Variants in ENPP5 observed in about 807,000 individuals in gnomAD.
ENPP5 encodes E-NPP 5.
In ENPP5, 27 loss-of-function variants were observed where a neutral mutation model predicts 33.7. The ratio of observed to expected loss-of-function variants is 0.80; its 90% CI spans 0.59 to 1.11. ENPP5 has a LOEUF of 1.11. Among genes scored for constraint, ENPP5 ranks in the 50% least tolerant of loss-of-function variants. ENPP5 has a pLI of 0.00. For synonymous variants in ENPP5, 199 were observed against 200.5 expected (o/e 0.99, Z 0.06); for missense variants, 552 against 579.2 (o/e 0.95, Z 0.48).
chr6:46,168,245 G>C lies in ENPP5; in HGVS notation c.18C>G (p.Leu6=). The change falls in exon 3 of 5, where the codon CTC becomes CTG. Residue 6 remains leucine (L), a synonymous_variant. Transcript: ENST00000371383. Reference sequence around the variant, plus strand: ...GTGCAGCAAGTATGAAGGACACCAAGAGAAATTTCGAAGTCATTTTCAAAG... The same window carrying C: ...GTGCAGCAAGTATGAAGGACACCAACAGAAATTTCGAAGTCATTTTCAAAG... MTSKF[L]LVSFILAALS... is the part of the protein sequence containing the mutation. The C allele has an allele frequency of 2.5e-6, 4 of 1,587,202 alleles. No individual in the cohort carries two copies. The highest frequency in any genetic ancestry group is 3.4e-6 in the Non-Finnish European group (4 of 1,164,142).
intron 4 of ENPP5, among the ~76,000 whole-genome samples, chr6:46,162,957 AG>A (rs1764432315): frequency 6.6e-6 from 1 of 152,234 alleles, no homozygotes; most frequent in Non-Finnish European, 1.5e-5. Flanking sequence ...TCACTCATGA[AG>A]GCAAAGATAA....
intron 4 of ENPP5, chr6:46,165,108 A>T (rs1363044503): frequency 3.7e-6 from 1 of 268,224 alleles, no homozygotes; most frequent in Non-Finnish European, 7.0e-6. Flanking sequence ...CGAGCACACT[A>T]CAAATGCCAT....
intron 4 of ENPP5, chr6:46,165,186 T>C: frequency 4.4e-6 from 2 of 451,160 alleles, no homozygotes; most frequent in East Asian, 3.6e-5. Context: ...TAAAGGGACA[T>C]TTTGTATATA....
rs771070665 is a variant in ENPP5 at position 46,168,249 on chromosome 6, A to C, written c.14T>G (p.Phe5Cys). 1.3e-6 allele frequency: 2 copies of C among 1,576,428 alleles called. No homozygotes were observed. The highest frequency in any genetic ancestry group is 1.7e-6 in the Non-Finnish European group (2 of 1,158,602). Residue 5 changes from phenylalanine (F) to cysteine (C), a missense_variant, in exon 3 of 5, where the codon TTT becomes TGT. Phe to Cys is a radical substitution (Grantham distance 205). Transcript: ENST00000371383. ...AGCAAGTATGAAGGACACCAAGAGA[A>C]ATTTCGAAGTCATTTTCAAAGTACT... MTSK[F>C]LLVSFILAAL...
Position 46,165,426 on chromosome 6 carries a change from C to T in ENPP5, c.967G>A (p.Gly323Arg), listed in dbSNP as rs1764512991. The T allele has an allele frequency of 6.3e-7, 1 of 1,599,018 alleles. No individual in the cohort carries two copies. Among genetic ancestry groups the T allele is most frequent in the Non-Finnish European group, 8.5e-7 (1 of 1,176,098 alleles). Residue 323 changes from glycine (G) to arginine (R), a missense_variant, in exon 4 of 5, where the codon GGG (glycine) becomes AGG (arginine). Coordinates refer to ENST00000371383, the MANE Select transcript of ENPP5 (RefSeq NM_001290072.2). ...GACTTATTCTGTAAAATGTGCCACC[C>T]TTCATCAGCCACTGCTATGATTGGT... ...IQPIIAVADE[G>R]WHILQNKSDD...
In ENPP5 at chr6:46,161,021, A is replaced by T. The variant is rs1174512955; in HGVS notation, c.*305T>A. 6.4e-6 allele frequency: 2 copies of T among 313,598 alleles called. No homozygotes were observed. Among genetic ancestry groups the T allele is most frequent in the Admixed American group, 8.8e-5 (2 of 22,804 alleles). The allele number at this position is 313,598 out of a possible 1,614,324, so 19.4% of individuals were successfully genotyped here. A position where few individuals can be genotyped will look rare whatever the true frequency, so the allele number is the denominator to read the frequency against. On this transcript the variant is annotated 3_prime_UTR_variant, in exon 5 of 5. Transcript: ENST00000371383. Reference sequence around the variant, plus strand: ...TAAAGTGCAATACATAAGGTACTTTACATAGTGCAAAGTTGCTAAATATAT... The same window carrying T: ...TAAAGTGCAATACATAAGGTACTTTTCATAGTGCAAAGTTGCTAAATATAT...
rs868371687 is a variant in ENPP5 at position 46,168,090 on chromosome 6, C to A, written c.173G>T (p.Gly58Val). The A allele has an allele frequency of 1.9e-6, 3 of 1,613,750 alleles. No individual in the cohort carries two copies. Among genetic ancestry groups the A allele is most frequent in the East Asian group, 2.2e-5 (1 of 44,884 alleles). Residue 58 changes from glycine to valine, a missense_variant, in exon 3 of 5, where the codon GGT becomes GTT. Transcript: ENST00000371383. ...TPHFHYIMKY[G>V]VHVKQVTNVF... is the part of the protein sequence containing the mutation. ...ATTAGTAACTTGCTTCACGTGAACA[C>A]CATATTTCATAATATAATGAAAATG...
rs757794305 is a variant in ENPP5 at position 46,161,729 on chromosome 6, G to A, written c.1031C>T (p.Ala344Val). 9.3e-6 allele frequency: 15 copies of A among 1,610,854 alleles called. No individual in the cohort carries two copies. The highest frequency in any genetic ancestry group is 1.6e-4 in the Middle Eastern group (1 of 6,076). The change falls in exon 5 of 5, where the codon GCG becomes GTG. Residue 344 changes from alanine to valine, a missense_variant. Coordinates refer to ENST00000371383, the MANE Select transcript of ENPP5 (RefSeq NM_001290072.2). ...FLLGNHGYDNALADMHPIFLA... is the reference protein window; with the variant it reads ...FLLGNHGYDNVLADMHPIFLA... ...AAATATTGGATGCATATCTGCTAAC[G>A]CATTATCGTAACCGTGGTTGCCTAC...
Position 46,165,384 on chromosome 6 carries a change from C to T in ENPP5, c.1006+3G>A. ...ATGGAAAGAAATACTGTAACATACT[C>T]ACACAGAAAGTCATCTGACTTATTC... On this transcript the variant is annotated splice_donor_region_variant and intron_variant, in intron 4 of 4. Transcript: ENST00000371383. 1 of 1,557,660 alleles carries T rather than the reference C, an allele frequency of 6.4e-7. No homozygotes were observed. The highest frequency in any genetic ancestry group is 8.6e-7 in the Non-Finnish European group (1 of 1,159,214).
In ENPP5 at chr6:46,167,508, A is replaced by G. The variant is rs1173442824; in HGVS notation, c.755T>C (p.Leu252Pro). 1 of 1,614,158 alleles carries G rather than the reference A, an allele frequency of 6.2e-7. No individual in the cohort carries two copies. Reference sequence around the variant, plus strand: ...GTGGTCTTTATCCAGGTACTGGTCAAGTTCTATTAACCTTTCCTCAGAGCA... The same window carrying G: ...GTGGTCTTTATCCAGGTACTGGTCAGGTTCTATTAACCTTTCCTCAGAGCA... ...TQCSEERLIE[L>P]DQYLDKDHYT... Residue 252 changes from leucine (L) to proline (P), a missense_variant, in exon 3 of 5, where the codon CTT (leucine) becomes CCT (proline). Transcript: ENST00000371383.
intron 3 of ENPP5, among the ~76,000 whole-genome samples, chr6:46,166,447 ATTT>A (rs60483260): frequency 8.3e-6 from 1 of 120,136 alleles, no homozygotes; most frequent in Non-Finnish European, 1.7e-5. Flanking sequence ...ACACCAGGCT[ATTT>A]TTTTTTTTTT....
In ENPP5 at chr6:46,159,202, A is replaced by G. The variant is rs1306415062; in HGVS notation, c.*2124T>C. On this transcript the variant is annotated 3_prime_UTR_variant, in exon 5 of 5. Coordinates refer to ENST00000371383, the MANE Select transcript of ENPP5 (RefSeq NM_001290072.2). Reference sequence around the variant, plus strand: ...TGATGTGATTTTCCCAGAAAAGTTAAAAGTTTTATTTTTCTTCAGGTAAAC... The same window carrying G: ...TGATGTGATTTTCCCAGAAAAGTTAGAAGTTTTATTTTTCTTCAGGTAAAC... 6.6e-6 allele frequency: 1 copy of G among 152,168 alleles called. No individual in the cohort carries two copies. The highest frequency in any genetic ancestry group is 1.5e-5 in the Non-Finnish European group (1 of 68,024). 9.4% of individuals were successfully genotyped at this position (152,168 alleles called of 1,614,324 possible). A position where few individuals can be genotyped will look rare whatever the true frequency, so the allele number is the denominator to read the frequency against.
In ENPP5 at chr6:46,168,079, T is replaced by G; in HGVS notation, c.184A>C (p.Lys62Gln). The change falls in exon 3 of 5, where the codon AAG becomes CAG. Residue 62 changes from lysine (K) to glutamine (Q), a missense_variant. By Grantham distance (53) the Lys-to-Gln change is moderately conservative (BLOSUM62 1). Coordinates refer to ENST00000371383, the MANE Select transcript of ENPP5 (RefSeq NM_001290072.2). ...HYIMKYGVHV[K>Q]QVTNVFITKT... The stretch of plus-strand genomic sequence containing the variant: ...GTAATAAAAACATTAGTAACTTGCT[T>G]CACGTGAACACCATATTTCATAATA... 6.2e-7 allele frequency: 1 copy of G among 1,614,012 alleles called. No homozygotes were observed. Among genetic ancestry groups the G allele is most frequent in the Non-Finnish European group, 8.5e-7 (1 of 1,179,916 alleles).
chr6:46,169,440 T>C (rs948315194), intron 2 of ENPP5, among the ~76,000 whole-genome samples: 1 of 151,454 alleles, frequency 6.6e-6, no homozygotes, highest in Non-Finnish European at 1.5e-5. Flanking sequence ...TTGCCCAAGC[T>C]GGTGTGCGGT....
intron 3 of ENPP5, 100 bp downstream of exon 3, chr6:46,167,334 G>T: frequency 1.3e-6 from 1 of 761,170 alleles, no homozygotes; most frequent in Non-Finnish European, 2.2e-6. Flanking sequence ...CACAGGCAAA[G>T]TCTACTTTAA....
chr6:46,169,938 GTCATA>G (rs1289775738), intron 2 of ENPP5, 110 bp downstream of exon 2: 64 of 152,250 alleles, frequency 4.2e-4, no homozygotes, highest in Non-Finnish European at 7.3e-4. Flanking sequence ...TAGCTCAAAT[GTCATA>G]TTTAAAAACG....
At position 46,161,309 on chromosome 6, in the gene ENPP5, T is replaced by A. The variant is rs560495507; in HGVS notation, c.*17A>T. The stretch of plus-strand genomic sequence containing the variant: ...TGGAATCTCCACTTCAATATGCAAA[T>A]CCACTTCAAAGTAACATTAGGCTTG... On this transcript the variant is annotated 3_prime_UTR_variant, in exon 5 of 5. Transcript: ENST00000371383. The A allele has an allele frequency of 8.2e-6, 13 of 1,591,038 alleles. No homozygotes were observed. In the East Asian group the frequency reaches 2.7e-4, roughly 33 times the overall value.
Position 46,161,260 on chromosome 6 carries a change from A to C in ENPP5, c.*66T>G. ...TTGGAACTGGTTTCCCAGAATTTGA[A>C]ACCTTTAAACACTGACATAATTATG... On this transcript the variant is annotated 3_prime_UTR_variant, in exon 5 of 5. Transcript: ENST00000371383. 1 of 1,406,866 alleles carries C rather than the reference A, an allele frequency of 7.1e-7. No individual in the cohort carries two copies. The highest frequency in any genetic ancestry group is 9.7e-7 in the Non-Finnish European group (1 of 1,034,164). The allele number at this position is 1,406,866 out of a possible 1,614,324, so 87.1% of individuals were successfully genotyped here. A position where few individuals can be genotyped will look rare whatever the true frequency, so the allele number is the denominator to read the frequency against.
At chr6:46,166,544 C>A (rs1413081140) in intron 3 of ENPP5, among the ~76,000 whole-genome samples, 1 of 151,332 alleles carries the variant, frequency 6.6e-6, no homozygotes, top group East Asian at 2.0e-4. Flanking sequence ...CTCAGCCTCC[C>A]AAAGTGCTGA....
Sources: gnomAD v4.1 joint callset for allele counts (sites outside exome capture counted in the v4.1 genomes callset) on GRCh38, gnomAD v4.1.1 for gene constraint, MANE v1.5 for transcripts, NCBI Gene and HGNC (gene_info 2026-07-23, HGNC 2026-07-21) for gene names.